The following UBR3 variants were observed in gnomAD, a reference collection of about 807,000 sequenced individuals.
UBR3 encodes the protein ubiquitin protein ligase E3 component n-recognin 3.
A neutral mutation model predicts 243.2 loss-of-function variants in UBR3; 85 were observed. The ratio of observed to expected loss-of-function variants is 0.35; its 90% CI spans 0.29 to 0.42. The LOEUF (loss-of-function observed/expected upper bound fraction) is 0.42. UBR3 is among the 10% of genes least tolerant of loss of function. The pLI is 1.00. For missense variants in UBR3, 1,686 were observed against 2,300.8 expected (o/e 0.73, Z 5.47); for synonymous variants, 748 against 799.8 (o/e 0.94, Z 1.09).
chr2:169,922,494 A>G (rs1412810422), intron 11 of UBR3, among the ~76,000 whole-genome samples: 1 of 152,132 alleles, frequency 6.6e-6, no homozygotes, highest in Non-Finnish European at 1.5e-5. Flanking sequence ...ATCATTTTTA[A>G]GTGTATAGTT....
At chr2:170,001,255 T>A in intron 26 of UBR3, 49 bp from the exon 27 acceptor site, 1 of 1,316,292 alleles carries the variant, frequency 7.6e-7, no homozygotes, top group Non-Finnish European at 1.1e-6. Flanking sequence ...TTTAAATATG[T>A]TTGTACTTCT....
At chr2:169,830,809 G>A (rs1009306767) in intron 1 of UBR3, among the ~76,000 whole-genome samples, 3 of 151,946 alleles carry the variant, frequency 2.0e-5, no homozygotes, top group African/African-American at 7.3e-5. Flanking sequence ...GACTGGGTTA[G>A]CATTTAGGAA....
At chr2:170,052,968 A>T (rs1255614597) in intron 32 of UBR3, among the ~76,000 whole-genome samples, 1 of 152,170 alleles carries the variant, frequency 6.6e-6, no homozygotes, top group Non-Finnish European at 1.5e-5. Flanking sequence ...CAATAATATA[A>T]TTTTTGTCAA....
chr2:169,986,737 G>A lies in UBR3; in HGVS notation c.3727G>A (p.Gly1243Ser). 4.3e-6 allele frequency: 7 copies of A among 1,614,010 alleles called. No individual in the cohort carries two copies. In the South Asian group the frequency reaches 4.4e-5, roughly 10 times the overall value. The change falls in exon 25 of 39, where the codon GGC becomes AGC. Residue 1243 changes from glycine (G) to serine (S), a missense_variant. By Grantham distance (56) the Gly-to-Ser change is moderately conservative. Around this residue, in one of 8 missense-constraint regions of UBR3, gnomAD observed 156 missense variants for 246.3 expected, o/e 0.63. Transcript: ENST00000272793. ...TGACTGTGTTATTTGTGGACAGAGT[G>A]GCCCCTCCTCTGAAGATCGACCTAC... ...VYDCVICGQS[G>S]PSSEDRPTGL...
chr2:169,835,977 A>C, intron 1 of UBR3, among the ~76,000 whole-genome samples: 1 of 112,822 alleles, frequency 8.9e-6, no homozygotes. Context: ...ATTTTCCTGA[A>C]ATTCCTGTGT....
rs2082901630 is a variant in UBR3, at chr2:169,857,064, G to GTGTTTTTTTTTTTTTTTTTTTTTTTTTT, written c.546-15171_546-15170insGTTTTTTTTTTTTTTTTTTTTTTTTTTT. On this transcript the variant is annotated intron_variant, in intron 1 of 38. Coordinates refer to ENST00000272793, the MANE Select transcript of UBR3 (RefSeq NM_172070.4). ...ATGATTTCCAGCATAATTTTATTAT[G>GTGTTTTTTTTTTTTTTTTTTTTTTTTTT]TTTTTTTTTTTTTTTTTTTTTTTTT... Among the ~76,000 whole-genome samples, 2 of 56,082 alleles carry GTGTTTTTTTTTTTTTTTTTTTTTTTTTT rather than the reference G, an allele frequency of 3.6e-5. 1 individual carries two copies. Among genetic ancestry groups the GTGTTTTTTTTTTTTTTTTTTTTTTTTTT allele is most frequent in the African/African-American group, 1.4e-4 (2 of 14,074 alleles). 36.8% of individuals were successfully genotyped at this position (56,082 alleles called of 152,430 possible).
intron 1 of UBR3, among the ~76,000 whole-genome samples, chr2:169,836,067 A>ATATTTT (rs1558999159): frequency 3.7e-4 from 12 of 32,666 alleles, no homozygotes; most frequent in African/African-American, 6.0e-4. Flanking sequence ...ATATATATAT[A>ATATTTT]TTTTTTTTTT....
chr2:169,828,854 A>G (rs1160646413), intron 1 of UBR3, among the ~76,000 whole-genome samples: 1 of 152,188 alleles, frequency 6.6e-6, no homozygotes, highest in African/African-American at 2.4e-5. Flanking sequence ...GGAGACAACA[A>G]ATGCCCTTTT....
At chr2:169,858,516 A>G (rs2082969914) in intron 1 of UBR3, among the ~76,000 whole-genome samples, 1 of 151,506 alleles carries the variant, frequency 6.6e-6, no homozygotes, top group Admixed American at 6.6e-5. Context: ...TTTGAAGGGT[A>G]TTTTCTCTGT....
At chr2:170,009,325 A>G (rs2090016134) in intron 29 of UBR3, among the ~76,000 whole-genome samples, 1 of 152,182 alleles carries the variant, frequency 6.6e-6, no homozygotes, top group Non-Finnish European at 1.5e-5. Flanking sequence ...ACAGTAAGAA[A>G]TAGAAGAACT....
chr2:169,906,841 A>G (rs1006504443), intron 10 of UBR3, among the ~76,000 whole-genome samples: 1 of 151,972 alleles, frequency 6.6e-6, no homozygotes, highest in Non-Finnish European at 1.5e-5. Context: ...CTGTTTACTG[A>G]CCTTTTAAAA....
intron 1 of UBR3, among the ~76,000 whole-genome samples, chr2:169,850,501 T>A (rs745892639): frequency 1.4e-5 from 2 of 144,610 alleles, no homozygotes; most frequent in Non-Finnish European, 3.0e-5. Context: ...TTTAAGCACA[T>A]ATTTAGATGA....
chr2:169,851,380 C>T (rs1182883834), intron 1 of UBR3, among the ~76,000 whole-genome samples: 1 of 152,210 alleles, frequency 6.6e-6, no homozygotes, highest in East Asian at 1.9e-4. Context: ...ACGCCTGCCT[C>T]AACCTCCCAA....
chr2:169,835,993 GTC>G lies in UBR3; in HGVS notation c.545+7991_545+7992del, dbSNP rs577838877. 5.7e-3 allele frequency among the ~76,000 whole-genome samples: 174 copies of G among 30,718 alleles called. 1 individual carries two copies. Among genetic ancestry groups the G allele is most frequent in the Non-Finnish European group, 6.7e-3 (107 of 16,040 alleles). The allele number at this position is 30,718 out of a possible 152,430, so 20.2% of individuals were successfully genotyped here. ...TTTTCCTGAAATTCCTGTGTGCACTGTCTCTCTCTCTCTCTCTCTCTCTCTCT... is the reference window on the plus strand; with the variant it reads ...TTTTCCTGAAATTCCTGTGTGCACTGTCTCTCTCTCTCTCTCTCTCTCTCT... On this transcript the variant is annotated intron_variant, in intron 1 of 38. Transcript: ENST00000272793.
At chr2:169,998,086 G>A (rs1289500753) in intron 26 of UBR3, among the ~76,000 whole-genome samples, 1 of 152,150 alleles carries the variant, frequency 6.6e-6, no homozygotes, top group Non-Finnish European at 1.5e-5. Flanking sequence ...GGCCCTGTCT[G>A]TCTAGGAATT....
At chr2:169,877,797 A>G (rs1343860918) in intron 4 of UBR3, among the ~76,000 whole-genome samples, 160 bp downstream of exon 4, 2 of 152,216 alleles carry the variant, frequency 1.3e-5, no homozygotes, top group African/African-American at 4.8e-5. Context: ...TAGAGGCAAA[A>G]AAGAATAGAT....
At chr2:169,956,086 CT>C (rs2087273689) in intron 23 of UBR3, among the ~76,000 whole-genome samples, 1 of 151,890 alleles carries the variant, frequency 6.6e-6, no homozygotes, top group African/African-American at 2.4e-5. Flanking sequence ...TGAGTTCACT[CT>C]GATACTTTCA....
At chr2:170,008,538 G>T (rs1380997156) in intron 28 of UBR3, among the ~76,000 whole-genome samples, 1 of 151,996 alleles carries the variant, frequency 6.6e-6, no homozygotes, top group Non-Finnish European at 1.5e-5. Context: ...CATCTCATTG[G>T]CTTAGCATAA....
rs1553518746 is a variant in UBR3 at position 169,954,223 on chromosome 2, G to GTCTTC, written c.3545+4165_3545+4169dup. On this transcript the variant is annotated intron_variant, in intron 23 of 38. Coordinates refer to ENST00000272793, the MANE Select transcript of UBR3 (RefSeq NM_172070.4). ...GTCTTGTCTTGTCTTGTCTTGTCTT[G>GTCTTC]TCTTCTCTTCTTAATTCATTTCTTT... Among the ~76,000 whole-genome samples, 249 of 124,632 alleles carry GTCTTC rather than the reference G, an allele frequency of 2.0e-3. 1 individual carries two copies. The highest frequency in any genetic ancestry group is 8.6e-3 in the South Asian group (31 of 3,598). 81.8% of individuals were successfully genotyped at this position (124,632 alleles called of 152,430 possible).
Sources: gnomAD v4.1 joint callset for allele counts (sites outside exome capture counted in the v4.1 genomes callset) on GRCh38, gnomAD v4.1.1 for gene constraint, gnomAD v4.1.1 regional missense constraint, MANE v1.5 for transcripts, NCBI Gene and HGNC (gene_info 2026-07-23, HGNC 2026-07-21) for gene names.